FRMD4A: variants seen among roughly 807,000 people sequenced by gnomAD.
FRMD4A encodes the protein FERM domain-containing protein 4A.
A neutral mutation model predicts 129.1 loss-of-function variants in FRMD4A; 29 were observed. That is an observed-to-expected ratio of 0.22 (90% CI 0.17 to 0.31). FRMD4A has a LOEUF of 0.31. FRMD4A is among the 10% of genes least tolerant of loss of function. FRMD4A has a pLI of 1.00. For synonymous variants in FRMD4A, 634 were observed against 571.6 expected (o/e 1.11, Z -1.56); for missense variants, 1,272 against 1,375.8 (o/e 0.92, Z 1.19).
At chr10:14,215,790 C>A (rs994412555) in intron 2 of FRMD4A, among the ~76,000 whole-genome samples, 1 of 151,960 alleles carries the variant, frequency 6.6e-6, no homozygotes, top group Non-Finnish European at 1.5e-5. Context: ...CAAGTTTAAC[C>A]CAAGAACGAG....
At chr10:13,854,732 T>C (rs944739560) in intron 3 of FRMD4A, among the ~76,000 whole-genome samples, 1 of 152,090 alleles carries the variant, frequency 6.6e-6, no homozygotes, top group African/African-American at 2.4e-5. Context: ...GCATCCGGCC[T>C]GATAAAGGCT....
intron 2 of FRMD4A, among the ~76,000 whole-genome samples, chr10:14,103,006 A>G (rs993546264): frequency 5.3e-5 from 8 of 152,224 alleles, no homozygotes; most frequent in Non-Finnish European, 1.2e-4. Flanking sequence ...TTGAAAACCC[A>G]GCCTATAAGA....
At position 14,223,732 on chromosome 10, in the gene FRMD4A, C is replaced by A. The variant is rs192034223; in HGVS notation, c.45+106326G>T. Among the ~76,000 whole-genome samples the A allele has an allele frequency of 6.3e-4, 78 of 124,248 alleles. 1 individual carries two copies. In the Admixed American group the frequency reaches 7.3e-3, roughly 12 times the overall value. The allele number at this position is 124,248 out of a possible 152,430, so 81.5% of individuals were successfully genotyped here. On this transcript the variant is annotated intron_variant, in intron 2 of 24. Transcript: ENST00000357447. ...ATCCAGCCTGGGTGACAGAGCAAGA[C>A]CATGTCTCAAAATGAAAAAAAAAAA... is the stretch of plus-strand genomic sequence containing the variant.
intron 2 of FRMD4A, among the ~76,000 whole-genome samples, chr10:14,080,206 G>C (rs1379161508): frequency 6.6e-6 from 1 of 152,154 alleles, no homozygotes; most frequent in Non-Finnish European, 1.5e-5. Context: ...CACCCACAAA[G>C]GCCCCCACTC....
At chr10:14,003,380 C>G (rs2095649845) in intron 2 of FRMD4A, 1 of 152,274 alleles carries the variant, frequency 6.6e-6, no homozygotes, top group Admixed American at 6.6e-5. Context: ...CGTGGACATG[C>G]TGGATTTGAG....
chr10:13,647,917 A>G (rs1290179507), intron 24 of FRMD4A: 1 of 152,134 alleles, frequency 6.6e-6, no homozygotes, highest in East Asian at 1.9e-4. Flanking sequence ...CTCTCCTGCA[A>G]CTGATCTCCC....
chr10:14,106,416 G>A lies in FRMD4A; in HGVS notation c.45+223642C>T, dbSNP rs1837590443. Reference sequence around the variant, plus strand: ...TAGTATCTAGATCCATCACTGGTGAGTGAGGAATACTAATTACTACTGGAT... The same window carrying A: ...TAGTATCTAGATCCATCACTGGTGAATGAGGAATACTAATTACTACTGGAT... On this transcript the variant is annotated intron_variant, in intron 2 of 24. Transcript: ENST00000357447. 2.0e-5 allele frequency among the ~76,000 whole-genome samples: 3 copies of A among 152,286 alleles called. No individual in the cohort carries two copies. In the South Asian group the frequency reaches 6.2e-4, roughly 32 times the overall value.
rs574801042 is a variant in FRMD4A, at chr10:14,327,612, C to G, written c.45+2446G>C. Among the ~76,000 whole-genome samples the G allele has an allele frequency of 3.9e-5, 6 of 152,338 alleles. No individual in the cohort carries two copies. In the East Asian group the frequency reaches 1.2e-3, roughly 29 times the overall value. On this transcript the variant is annotated intron_variant, in intron 2 of 24. Coordinates refer to ENST00000357447, the MANE Select transcript of FRMD4A (RefSeq NM_018027.5). ...TGTAACCAATTAAACATGCTCTGCC[C>G]TGAAGCATTTAGCATCTAAGCTGAA...
chr10:13,857,358 G>C (rs1004555460), intron 3 of FRMD4A, among the ~76,000 whole-genome samples: 1 of 151,946 alleles, frequency 6.6e-6, no homozygotes, highest in Admixed American at 6.6e-5. Flanking sequence ...AAGTGGAAAA[G>C]GAAAAATAAG....
chr10:13,930,168 A>G (rs2095176809), intron 2 of FRMD4A, among the ~76,000 whole-genome samples: 1 of 152,202 alleles, frequency 6.6e-6, no homozygotes, highest in African/African-American at 2.4e-5. Flanking sequence ...AGAACTATGT[A>G]TTTGTGGAGG....
chr10:14,049,770 G>A (rs1013047160), intron 2 of FRMD4A, among the ~76,000 whole-genome samples: 4 of 152,128 alleles, frequency 2.6e-5, no homozygotes, highest in South Asian at 4.1e-4. Context: ...CAGGAGAATC[G>A]CTTGAACCGT....
intron 2 of FRMD4A, among the ~76,000 whole-genome samples, chr10:14,052,768 T>C (rs1462849163): frequency 1.3e-5 from 2 of 152,246 alleles, no homozygotes; most frequent in East Asian, 3.9e-4. Flanking sequence ...TTCACCATGT[T>C]GGTCAGGCTG....
intron 15 of FRMD4A, among the ~76,000 whole-genome samples, chr10:13,691,814 C>A (rs1391947431): frequency 6.6e-6 from 1 of 152,140 alleles, no homozygotes; most frequent in Non-Finnish European, 1.5e-5. Context: ...TAGGAAAAAA[C>A]GCGATTGTAG....
chr10:13,944,293 C>T (rs924662750), intron 2 of FRMD4A, among the ~76,000 whole-genome samples: 1 of 114,166 alleles, frequency 8.8e-6, no homozygotes, highest in Non-Finnish European at 2.1e-5. Context: ...GAGCACGAAC[C>T]CTGTTCGTGA....
At chr10:14,002,212 T>C (rs2095645230) in intron 2 of FRMD4A, among the ~76,000 whole-genome samples, 1 of 152,208 alleles carries the variant, frequency 6.6e-6, no homozygotes, top group Non-Finnish European at 1.5e-5. Context: ...ATAATTGTGA[T>C]AAAAGAGAAT....
intron 3 of FRMD4A, among the ~76,000 whole-genome samples, chr10:13,829,093 C>T (rs2093749541): frequency 6.6e-6 from 1 of 152,166 alleles, no homozygotes; most frequent in South Asian, 2.1e-4. Flanking sequence ...ATAAGCATTC[C>T]CCTTTCTCCA....
intron 15 of FRMD4A, among the ~76,000 whole-genome samples, chr10:13,675,367 A>G (rs2083887867): frequency 6.6e-6 from 1 of 152,184 alleles, no homozygotes; most frequent in South Asian, 2.1e-4. Flanking sequence ...AGAAAGGGGG[A>G]AAGAAAAGCT....
chr10:13,660,927 C>CTGAT (rs1394711296), intron 19 of FRMD4A, among the ~76,000 whole-genome samples: 1 of 152,202 alleles, frequency 6.6e-6, no homozygotes, highest in Non-Finnish European at 1.5e-5. Flanking sequence ...TGCTAAGCAT[C>CTGAT]TGATTCACTG....
rs1443055067 is a variant in FRMD4A, at chr10:13,646,293, TC to T, written c.*744del. On this transcript the variant is annotated 3_prime_UTR_variant, in exon 25 of 25. Transcript: ENST00000357447. ...AAATTTCCTTGCAGAAAGAATGTCT[TC>T]CTCTTGGCCCCTCTTAATTTTTTAT... 2.0e-5 allele frequency: 3 copies of T among 152,664 alleles called. No individual in the cohort carries two copies. The highest frequency in any genetic ancestry group is 4.4e-5 in the Non-Finnish European group (3 of 68,056). 9.5% of individuals were successfully genotyped at this position (152,664 alleles called of 1,614,324 possible).
Sources: gnomAD v4.1 joint callset for allele counts (sites outside exome capture counted in the v4.1 genomes callset) on GRCh38, gnomAD v4.1.1 for gene constraint, MANE v1.5 for transcripts, NCBI Gene and HGNC (gene_info 2026-07-23, HGNC 2026-07-21) for gene names.